MINDY4: variants seen among roughly 807,000 people sequenced by gnomAD.
The protein encoded by MINDY4 is MINDY lysine 48 deubiquitinase 4, also known as probable ubiquitin carboxyl-terminal hydrolase MINDY-4.
In MINDY4, 68 loss-of-function variants were observed where a neutral mutation model predicts 87.0. The observed-to-expected ratio is 0.78, with a 90% CI of 0.64 to 0.96. The LOEUF (loss-of-function observed/expected upper bound fraction) is 0.96, where lower values mean the gene tolerates loss of function less well. MINDY4 is among the 40% of genes least tolerant of loss of function. The pLI is 0.00. For missense variants in MINDY4, 919 were observed against 928.2 expected (o/e 0.99, Z 0.13); for synonymous variants, 379 against 363.2 (o/e 1.04, Z -0.50).
chr7:30,791,571 TC>T lies in MINDY4; in HGVS notation c.1071del (p.Arg358GlyfsTer27), dbSNP rs1284855166. 1 of 1,608,844 alleles carries T rather than the reference TC, an allele frequency of 6.2e-7. No homozygotes were observed. Among genetic ancestry groups the T allele is most frequent in the African/African-American group, 1.3e-5 (1 of 74,826 alleles). ...FKRQGSQPAP[V>X]RKNQLLPSDK... ...CGGCAGGGCAGCCAGCCCGCACCTG[TC>T]AGGTGAGTGTGCTATGCAAAGGTGA... is the stretch of plus-strand genomic sequence containing the variant. On this transcript the variant is annotated frameshift_variant and splice_region_variant, in exon 5 of 18. Coordinates refer to ENST00000265299, the MANE Select transcript of MINDY4 (RefSeq NM_032222.3). LOFTEE classifies it high-confidence loss of function.
intron 1 of MINDY4, among the ~76,000 whole-genome samples, chr7:30,772,011 C>G (rs541220884): frequency 6.6e-6 from 1 of 152,402 alleles, no homozygotes; most frequent in South Asian, 2.1e-4. Flanking sequence ...GACGGTCAAA[C>G]CCTTAGTCAT....
chr7:30,871,511 C>T (rs1562561883), intron 13 of MINDY4, among the ~76,000 whole-genome samples: 1 of 152,348 alleles, frequency 6.6e-6, no homozygotes, highest in Admixed American at 6.5e-5. Flanking sequence ...CACCTCTGCT[C>T]ACCGGGATAC....
intron 13 of MINDY4, among the ~76,000 whole-genome samples, chr7:30,861,770 C>T (rs1789774720): frequency 6.6e-6 from 1 of 152,246 alleles, no homozygotes; most frequent in Non-Finnish European, 1.5e-5. Context: ...TCTTGTGTTT[C>T]CTTGCCTGCA....
intron 5 of MINDY4, among the ~76,000 whole-genome samples, chr7:30,796,121 C>CA (rs148191490): frequency 0.091 from 13,698 of 149,860 alleles, 1,273 homozygotes; most frequent in African/African-American, 0.23. Flanking sequence ...GAGCACTGTA[C>CA]TTTTTTTTTT....
At chr7:30,806,963 A>G (rs1471359300) in intron 5 of MINDY4, among the ~76,000 whole-genome samples, 1 of 152,242 alleles carries the variant, frequency 6.6e-6, no homozygotes, top group East Asian at 1.9e-4. Flanking sequence ...GTCAAGATGC[A>G]TGGAAAGTCT....
chr7:30,888,465 C>T (rs563764159), intron 17 of MINDY4, among the ~76,000 whole-genome samples: 10 of 152,290 alleles, frequency 6.6e-5, no homozygotes, highest in Middle Eastern at 3.4e-3. Context: ...GGCTGTCAGC[C>T]GCCTCCTGCA....
At chr7:30,787,814 A>C (rs763319943) in intron 4 of MINDY4, among the ~76,000 whole-genome samples, 5 of 152,178 alleles carry the variant, frequency 3.3e-5, no homozygotes, top group Non-Finnish European at 7.3e-5. Context: ...TGGTTCTTAG[A>C]CTTTTAGCCT....
intron 17 of MINDY4, among the ~76,000 whole-genome samples, chr7:30,885,629 T>A (rs1293940770): frequency 6.6e-6 from 1 of 152,096 alleles, no homozygotes; most frequent in African/African-American, 2.4e-5. Context: ...TAATTTGCAT[T>A]TTTAAGGAGT....
chr7:30,829,281 A>G lies in MINDY4; in HGVS notation c.1132+544A>G, dbSNP rs564602234. Among the ~76,000 whole-genome samples the G allele has an allele frequency of 2.0e-4, 30 of 146,922 alleles. No individual in the cohort carries two copies. The East Asian group carries it at 5.4e-3, about 27-fold the overall frequency. ...TCCTTCCACTCTTTAGTTTTGAAGCAAACTTTTTTTCTCTCTCTTTCTGTA... is the reference window on the plus strand; with the variant it reads ...TCCTTCCACTCTTTAGTTTTGAAGCGAACTTTTTTTCTCTCTCTTTCTGTA... On this transcript the variant is annotated intron_variant, in intron 6 of 17. Coordinates refer to ENST00000265299, the MANE Select transcript of MINDY4 (RefSeq NM_032222.3).
rs372884744 is a variant in MINDY4, at chr7:30,855,127, GC to G, written c.1677+1670del. On this transcript the variant is annotated intron_variant, in intron 12 of 17. Transcript: ENST00000265299. ...TGGGCAGAGGAGGCCTGGAGCAGGG[GC>G]CTGGGGGCCCCCTTTGGCTTATTCC... Among the ~76,000 whole-genome samples, 518 of 152,366 alleles carry G rather than the reference GC, an allele frequency of 3.4e-3. 4 individuals carry two copies. The highest frequency in any genetic ancestry group is 0.012 in the African/African-American group (486 of 41,602).
chr7:30,776,146 CA>C (rs1365653526), intron 1 of MINDY4, among the ~76,000 whole-genome samples: 1 of 152,210 alleles, frequency 6.6e-6, no homozygotes, highest in African/African-American at 2.4e-5. Flanking sequence ...AGTTTATTTT[CA>C]ACCTAGCAGC....
Position 30,836,780 on chromosome 7 carries a change from C to T in MINDY4, c.1239+16C>T. Reference sequence around the variant, plus strand: ...AGTAGCAAAGGTAAGTGTAAGGAGACTCCTGGGTTAAATGTGTCTTGATTT... The same window carrying T: ...AGTAGCAAAGGTAAGTGTAAGGAGATTCCTGGGTTAAATGTGTCTTGATTT... On this transcript the variant is annotated intron_variant, in intron 7 of 17. Transcript: ENST00000265299. The T allele has an allele frequency of 6.3e-7, 1 of 1,592,132 alleles. No individual in the cohort carries two copies. The highest frequency in any genetic ancestry group is 8.6e-7 in the Non-Finnish European group (1 of 1,160,426).
intron 1 of MINDY4, among the ~76,000 whole-genome samples, chr7:30,774,543 G>A (rs1403299219): frequency 6.7e-6 from 1 of 149,608 alleles, no homozygotes; most frequent in African/African-American, 2.6e-5. Context: ...TAAAGGACCT[G>A]TGTCTACTTT....
intron 1 of MINDY4, among the ~76,000 whole-genome samples, chr7:30,773,311 A>C (rs115045276): frequency 2.5e-3 from 386 of 152,326 alleles, no homozygotes; most frequent in African/African-American, 8.8e-3. Context: ...GATAGGTATA[A>C]GTATTCCCTT....
At chr7:30,806,810 C>A (rs1787822140) in intron 5 of MINDY4, among the ~76,000 whole-genome samples, 1 of 152,248 alleles carries the variant, frequency 6.6e-6, no homozygotes, top group Non-Finnish European at 1.5e-5. Flanking sequence ...TTCCTACCCT[C>A]TTCTCTTCTA....
At chr7:30,869,597 G>A (rs1006843999) in intron 13 of MINDY4, among the ~76,000 whole-genome samples, 2 of 152,078 alleles carry the variant, frequency 1.3e-5, no homozygotes, top group African/African-American at 4.8e-5. Context: ...TTCCTTGTGA[G>A]TGTGCATCTT....
intron 12 of MINDY4, among the ~76,000 whole-genome samples, chr7:30,856,457 T>C (rs1257371602): frequency 6.6e-6 from 1 of 151,642 alleles, no homozygotes; most frequent in Non-Finnish European, 1.5e-5. Flanking sequence ...CTTGAGGGTG[T>C]TCCTAGGACT....
chr7:30,773,425 CATA>C (rs1786705308), intron 1 of MINDY4, among the ~76,000 whole-genome samples: 1 of 152,200 alleles, frequency 6.6e-6, no homozygotes, highest in Non-Finnish European at 1.5e-5. Context: ...GGCTTCCCAT[CATA>C]ATTAGACTTC....
intron 9 of MINDY4, among the ~76,000 whole-genome samples, chr7:30,841,071 C>T (rs1435477046): frequency 6.6e-6 from 1 of 152,092 alleles, no homozygotes; most frequent in Non-Finnish European, 1.5e-5. Context: ...CTCAGTGGTG[C>T]TCCACCTGGG....
Sources: gnomAD v4.1 joint callset for allele counts (sites outside exome capture counted in the v4.1 genomes callset) on GRCh38, gnomAD v4.1.1 for gene constraint, MANE v1.5 for transcripts, NCBI Gene and HGNC (gene_info 2026-07-23, HGNC 2026-07-21) for gene names.